The following TENM3 variants were observed in gnomAD, a reference collection of about 807,000 sequenced individuals.
The protein encoded by TENM3 is teneurin-3.
Under a neutral mutation model 255.1 loss-of-function variants are expected in TENM3, and 63 were observed. The ratio of observed to expected loss-of-function variants is 0.25; its 90% confidence interval spans 0.20 to 0.30. The LOEUF (loss-of-function observed/expected upper bound fraction) is 0.30, where lower values mean the gene tolerates loss of function less well. Among genes scored for constraint, TENM3 ranks in the 10% least tolerant of loss-of-function variants. TENM3 has a pLI of 1.00. For synonymous variants in TENM3, 1,306 were observed against 1,322.3 expected (o/e 0.99, Z 0.27); for missense variants, 2,929 against 3,461.1 (o/e 0.85, Z 3.86).
intron 3 of TENM3, among the ~76,000 whole-genome samples, chr4:182,424,625 T>G (rs961547813): frequency 6.6e-6 from 1 of 152,168 alleles, no homozygotes; most frequent in African/African-American, 2.4e-5. Context: ...AAATAATGCA[T>G]GGACAAAATC....
chr4:181,447,733 C>T, the TENM3 span, among the ~76,000 whole-genome samples: 2 of 152,152 alleles, frequency 1.3e-5, no homozygotes, highest in Non-Finnish European at 2.9e-5. Flanking sequence ...CCAACCTACC[C>T]TGGAGTTCCG....
chr4:181,929,378 A>G, the TENM3 span, among the ~76,000 whole-genome samples: 1 of 152,100 alleles, frequency 6.6e-6, no homozygotes. Flanking sequence ...GAGGAGTTGC[A>G]ATCCTAGTCT....
chr4:182,052,176 C>T, the TENM3 span, among the ~76,000 whole-genome samples: 18 of 152,134 alleles, frequency 1.2e-4, no homozygotes, highest in Non-Finnish European at 1.0e-4. Flanking sequence ...CTACTTAAGT[C>T]GCCTCTTACA....
At chr4:182,680,874 G>A in intron 10 of TENM3, 137 bp downstream of exon 10, 1 of 595,818 alleles carries the variant, frequency 1.7e-6, no homozygotes, top group East Asian at 3.4e-5. Context: ...GTTTATGAAT[G>A]CATTGTTTTA....
the TENM3 span, among the ~76,000 whole-genome samples, chr4:182,015,215 C>T: frequency 6.6e-6 from 1 of 152,174 alleles, no homozygotes. Flanking sequence ...GAGCTCAGGG[C>T]TCCTCTGGGA....
intron 1 of TENM3, among the ~76,000 whole-genome samples, chr4:182,208,009 T>C (rs1490123904): frequency 1.3e-5 from 2 of 152,240 alleles, no homozygotes; most frequent in Non-Finnish European, 2.9e-5. Flanking sequence ...TCAGAAGTTT[T>C]GTCAGTTTCA....
At chr4:181,929,675 G>C in the TENM3 span, among the ~76,000 whole-genome samples, 901 of 152,210 alleles carry the variant, frequency 5.9e-3, 3 homozygotes, top group African/African-American at 0.02. Context: ...CTCCTACCAA[G>C]TGGACCTAAT....
chr4:182,539,954 T>A (rs1298177788), intron 3 of TENM3, among the ~76,000 whole-genome samples: 6 of 152,228 alleles, frequency 3.9e-5, no homozygotes, highest in African/African-American at 1.4e-4. Context: ...GACCTTAGTG[T>A]CCTTATTGCT....
At chr4:182,084,135 C>G in the TENM3 span, among the ~76,000 whole-genome samples, 1 of 152,072 alleles carries the variant, frequency 6.6e-6, no homozygotes. Context: ...CACGCACACA[C>G]TAAGAAATGA....
At chr4:181,690,773 C>A in the TENM3 span, among the ~76,000 whole-genome samples, 1 of 151,966 alleles carries the variant, frequency 6.6e-6, no homozygotes, top group South Asian at 2.1e-4. Flanking sequence ...AAAAAATAGC[C>A]CTTTGTGGAT....
At chr4:182,528,481 G>A (rs1428532867) in intron 3 of TENM3, among the ~76,000 whole-genome samples, 1 of 152,096 alleles carries the variant, frequency 6.6e-6, no homozygotes, top group African/African-American at 2.4e-5. Context: ...AGAAAAAATA[G>A]GCTATTTCTC....
At chr4:181,511,418 T>C in the TENM3 span, among the ~76,000 whole-genome samples, 3 of 152,136 alleles carry the variant, frequency 2.0e-5, no homozygotes, top group African/African-American at 7.2e-5. Context: ...CTCTCCTTGC[T>C]CAGGCCTGGA....
At chr4:181,817,564 G>A in the TENM3 span, among the ~76,000 whole-genome samples, 1 of 152,244 alleles carries the variant, frequency 6.6e-6, no homozygotes, top group Admixed American at 6.5e-5. Context: ...TTTATGCCTT[G>A]GAAACTTAAT....
chr4:182,022,530 TAAA>T, the TENM3 span, among the ~76,000 whole-genome samples: 55 of 120,026 alleles, frequency 4.6e-4, no homozygotes, highest in Middle Eastern at 4.3e-3. Flanking sequence ...ATCCCCTGAA[TAAA>T]AAAAAAAAAA....
At chr4:182,064,237 T>A in the TENM3 span, among the ~76,000 whole-genome samples, 1 of 148,584 alleles carries the variant, frequency 6.7e-6, no homozygotes, top group Non-Finnish European at 1.5e-5. Context: ...CATAGAGAAG[T>A]CATGGAAAAT....
chr4:181,452,665 T>A, the TENM3 span, among the ~76,000 whole-genome samples: 2 of 152,182 alleles, frequency 1.3e-5, no homozygotes, highest in Admixed American at 6.5e-5. Flanking sequence ...GGTATGTCTT[T>A]ATTAGCAACA....
intron 1 of TENM3, among the ~76,000 whole-genome samples, chr4:182,227,336 G>A (rs1462152966): frequency 6.6e-6 from 1 of 152,136 alleles, no homozygotes; most frequent in Admixed American, 6.5e-5. Context: ...CAGTCATGTA[G>A]CCATAGGGTC....
chr4:182,691,233 C>A (rs1248320525), intron 12 of TENM3, among the ~76,000 whole-genome samples: 1 of 152,216 alleles, frequency 6.6e-6, no homozygotes, highest in Admixed American at 6.5e-5. Context: ...GCATTTCCTC[C>A]CCATTTTAAC....
At chr4:181,514,217 A>G in the TENM3 span, among the ~76,000 whole-genome samples, 1 of 152,208 alleles carries the variant, frequency 6.6e-6, no homozygotes, top group East Asian at 1.9e-4. Context: ...CAACAGTGTT[A>G]TGTTACTGTG....
Sources: allele counts gnomAD v4.1 joint callset (sites outside exome capture counted in the v4.1 genomes callset), GRCh38; gene constraint gnomAD v4.1.1; transcripts MANE v1.5; gene names NCBI Gene and HGNC (gene_info 2026-07-23, HGNC 2026-07-21).